NRXN1: variants seen among roughly 807,000 people sequenced by gnomAD.
The protein encoded by NRXN1 is neurexin 1.
NRXN1 carries 39 observed loss-of-function variants against 150.9 expected under a neutral mutation model. The observed-to-expected ratio is 0.26, with a 90% CI of 0.20 to 0.34. The LOEUF (loss-of-function observed/expected upper bound fraction) is 0.34. Among genes scored for constraint, NRXN1 ranks in the 10% least tolerant of loss-of-function variants. The pLI, the probability that NRXN1 is intolerant of heterozygous loss-of-function variation, is 1.00. For missense variants in NRXN1, 1,815 were observed against 1,949.9 expected (o/e 0.93, Z 1.30); for synonymous variants, 924 against 757.0 (o/e 1.22, Z -3.62).
chr2:50,241,087 C>T (rs2065958110), intron 17 of NRXN1, among the ~76,000 whole-genome samples: 1 of 151,348 alleles, frequency 6.6e-6, no homozygotes, highest in African/African-American at 2.4e-5. Context: ...CTCATTATAT[C>T]ATTATTTATG....
chr2:50,750,532 G>A (rs1299900960), intron 5 of NRXN1, among the ~76,000 whole-genome samples: 2 of 151,980 alleles, frequency 1.3e-5, no homozygotes, highest in African/African-American at 4.8e-5. Context: ...CATGACACAT[G>A]TATACATATG....
At chr2:50,959,392 G>A (rs1692786991) in intron 2 of NRXN1, among the ~76,000 whole-genome samples, 1 of 151,988 alleles carries the variant, frequency 6.6e-6, no homozygotes, top group Non-Finnish European at 1.5e-5. Context: ...AATAAAATAT[G>A]CTATATTCAC....
chr2:50,591,460 T>C (rs1028726614), intron 8 of NRXN1, among the ~76,000 whole-genome samples: 4 of 151,750 alleles, frequency 2.6e-5, no homozygotes, highest in Non-Finnish European at 1.5e-5. Context: ...GTCAGGCCTT[T>C]AAAAAAGGAC....
intron 18 of NRXN1, among the ~76,000 whole-genome samples, chr2:50,194,494 A>G (rs1157717146): frequency 1.3e-5 from 2 of 152,144 alleles, no homozygotes; most frequent in African/African-American, 4.8e-5. Flanking sequence ...CAAAAACTTT[A>G]AAGTTCTTTA....
At chr2:50,786,116 A>T (rs954084779) in intron 5 of NRXN1, among the ~76,000 whole-genome samples, 2 of 152,048 alleles carry the variant, frequency 1.3e-5, no homozygotes, top group Non-Finnish European at 2.9e-5. Flanking sequence ...TTGGGATGAG[A>T]TGTTAACTAT....
At chr2:50,092,997 T>C (rs1377239) in intron 18 of NRXN1, among the ~76,000 whole-genome samples, 132,002 of 152,154 alleles carry the variant, frequency 0.87, 57,606 homozygotes, top group African/African-American at 0.96. Flanking sequence ...TTAAAATTTT[T>C]CTGTAGAGTT....
At chr2:49,980,876 T>C (rs540660671) in intron 21 of NRXN1, among the ~76,000 whole-genome samples, 13 of 152,246 alleles carry the variant, frequency 8.5e-5, no homozygotes, top group African/African-American at 3.1e-4. Flanking sequence ...GATGAGAACC[T>C]ACTGAAGTCA....
At position 50,121,415 on chromosome 2, in the gene NRXN1, A is replaced by G. The variant is rs572514656; in HGVS notation, c.3547-29921T>C. Reference sequence around the variant, plus strand: ...TTTACATATGATGAAACTAAGGCACAAAGAACAATGATCACACAGCTAGTC... The same window carrying G: ...TTTACATATGATGAAACTAAGGCACGAAGAACAATGATCACACAGCTAGTC... On this transcript the variant is annotated intron_variant, in intron 18 of 22. Transcript: ENST00000401669. 1.3e-3 allele frequency among the ~76,000 whole-genome samples: 205 copies of G among 152,370 alleles called. 1 individual carries two copies. The highest frequency in any genetic ancestry group is 2.5e-3 in the Non-Finnish European group (169 of 68,040).
chr2:50,449,185 G>T (rs569510229), intron 17 of NRXN1, among the ~76,000 whole-genome samples: 114 of 152,292 alleles, frequency 7.5e-4, no homozygotes, highest in Middle Eastern at 3.4e-3. Context: ...GTCTTCACTT[G>T]TATAAAACTG....
chr2:50,644,790 AAAAG>A (rs1056328176), intron 5 of NRXN1, among the ~76,000 whole-genome samples: 4 of 148,606 alleles, frequency 2.7e-5, no homozygotes, highest in Non-Finnish European at 4.5e-5. Context: ...ATATGTATAT[AAAAG>A]AAATATATAT....
intron 21 of NRXN1, among the ~76,000 whole-genome samples, chr2:49,947,369 G>T (rs1673101419): frequency 6.6e-6 from 1 of 151,932 alleles, no homozygotes; most frequent in Non-Finnish European, 1.5e-5. Context: ...CCACCTGGAG[G>T]CACGTTTGGT....
rs114583745 is a variant in NRXN1 at position 50,521,141 on chromosome 2, A to G, written c.2374+7484T>C. 6.5e-3 allele frequency among the ~76,000 whole-genome samples: 996 copies of G among 152,276 alleles called. 5 individuals carry two copies. The highest frequency in any genetic ancestry group is 0.023 in the African/African-American group (964 of 41,572). On this transcript the variant is annotated intron_variant, in intron 12 of 22. Coordinates refer to ENST00000401669, the MANE Select transcript of NRXN1 (RefSeq NM_001330078.2). ...ATGTATTTGAAAATTTAATGGGTGC[A>G]CTTCACTAGAAACCTACATTCTTCG... is the stretch of plus-strand genomic sequence containing the variant.
At chr2:50,207,213 T>G (rs1311857854) in intron 18 of NRXN1, among the ~76,000 whole-genome samples, 1 of 152,136 alleles carries the variant, frequency 6.6e-6, no homozygotes, top group Non-Finnish European at 1.5e-5. Context: ...CTACCTGATT[T>G]AAAATACAAA....
chr2:50,392,513 T>A (rs901095321), intron 17 of NRXN1, among the ~76,000 whole-genome samples: 3 of 152,110 alleles, frequency 2.0e-5, no homozygotes, highest in African/African-American at 7.2e-5. Context: ...GAAAAAGAGA[T>A]GTCTTTTACA....
chr2:50,916,192 T>C (rs2104188142), intron 5 of NRXN1, among the ~76,000 whole-genome samples: 1 of 151,020 alleles, frequency 6.6e-6, no homozygotes, highest in Non-Finnish European at 1.5e-5. Flanking sequence ...CTATTCTATA[T>C]TATGATAGTT....
chr2:50,092,655 A>G (rs1400669529), intron 18 of NRXN1, among the ~76,000 whole-genome samples: 1 of 152,244 alleles, frequency 6.6e-6, no homozygotes, highest in African/African-American at 2.4e-5. Flanking sequence ...AGGCAGCAGG[A>G]GTATGGAATC....
chr2:50,602,878 T>G (rs932734558), intron 8 of NRXN1, among the ~76,000 whole-genome samples: 1 of 152,174 alleles, frequency 6.6e-6, no homozygotes, highest in Non-Finnish European at 1.5e-5. Flanking sequence ...TCTCACTCTT[T>G]GATTTATATT....
In NRXN1 at chr2:50,101,325, G is replaced by A. The variant is rs543961025; in HGVS notation, c.3547-9831C>T. On this transcript the variant is annotated intron_variant, in intron 18 of 22. Coordinates refer to ENST00000401669, the MANE Select transcript of NRXN1 (RefSeq NM_001330078.2). ...TATTACCTCCACCAGGAACTGAACA[G>A]GAAAGGGGCATTCTATCAATTCTGC... Among the ~76,000 whole-genome samples the A allele has an allele frequency of 2.4e-4, 36 of 151,956 alleles. 1 individual carries two copies. The highest frequency in any genetic ancestry group is 4.1e-4 in the Non-Finnish European group (28 of 67,908).
intron 19 of NRXN1, among the ~76,000 whole-genome samples, chr2:50,072,308 A>T (rs1378106124): frequency 6.6e-6 from 1 of 152,222 alleles, no homozygotes; most frequent in Non-Finnish European, 1.5e-5. Context: ...AACAAACAAT[A>T]AAAGCAACTC....
Sources: gnomAD v4.1 joint callset for allele counts (sites outside exome capture counted in the v4.1 genomes callset) on GRCh38, gnomAD v4.1.1 for gene constraint, MANE v1.5 for transcripts, NCBI Gene and HGNC (gene_info 2026-07-23, HGNC 2026-07-21) for gene names.